RETREG1: variants seen among roughly 807,000 people sequenced by gnomAD.
RETREG1 encodes reticulophagy regulator 1, also known as family with sequence similarity 134 member B.
Under a neutral mutation model 54.8 loss-of-function variants are expected in RETREG1, and 44 were observed. The observed-to-expected ratio is 0.80, with a 90% CI of 0.63 to 1.03. The LOEUF is 1.03. RETREG1 is among the 50% of genes least tolerant of loss of function. RETREG1 has a pLI of 0.00. For missense variants in RETREG1, 554 were observed against 605.1 expected (o/e 0.92, Z 0.89); for synonymous variants, 217 against 238.5 (o/e 0.91, Z 0.83).
At chr5:16,535,137 T>C (rs78274163) in intron 3 of RETREG1, among the ~76,000 whole-genome samples, 2,528 of 152,144 alleles carry the variant, frequency 0.017, 64 homozygotes, top group African/African-American at 0.057. Context: ...CTTATGTCAC[T>C]TTTTTTTCTT....
Position 16,474,705 on chromosome 5 carries a change from G to GTGTTTTTTTT in RETREG1, c.*35_*36insAAAAAAAACA. 2 of 1,453,218 alleles carry GTGTTTTTTTT rather than the reference G, an allele frequency of 1.4e-6. No individual in the cohort carries two copies. The highest frequency in any genetic ancestry group is 1.6e-5 in the South Asian group (1 of 64,130). The allele number at this position is 1,453,218 out of a possible 1,614,324, so 90.0% of individuals were successfully genotyped here. On this transcript the variant is annotated 3_prime_UTR_variant, in exon 9 of 9. Coordinates refer to ENST00000306320, the MANE Select transcript of RETREG1 (RefSeq NM_001034850.3). Reference sequence around the variant, plus strand: ...TTTTTTCTTGTTTGAAATTTTTTTGGTGTTTTTTGTGCTCTGTTGCAAGCT... The same window carrying GTGTTTTTTTT: ...TTTTTTCTTGTTTGAAATTTTTTTGGTGTTTTTTTTTGTTTTTTGTGCTCTGTTGCAAGCT...
chr5:16,476,389 C>G (rs1266672617), intron 8 of RETREG1, among the ~76,000 whole-genome samples: 6 of 152,138 alleles, frequency 3.9e-5, no homozygotes, highest in Admixed American at 3.9e-4. Flanking sequence ...ACAAGGTAAT[C>G]CAGTGAGACT....
At chr5:16,502,209 C>T (rs1002865391) in intron 3 of RETREG1, among the ~76,000 whole-genome samples, 2 of 152,136 alleles carry the variant, frequency 1.3e-5, no homozygotes, top group African/African-American at 4.8e-5. Context: ...TCACCCACCT[C>T]GGCCTCCCAA....
At chr5:16,481,114 A>G (rs1738753929) in intron 4 of RETREG1, 21 bp from the exon 5 acceptor site, 3 of 1,537,254 alleles carry the variant, frequency 2.0e-6, no homozygotes, top group African/African-American at 2.7e-5. Context: ...TAGAAATAAC[A>G]TGGGATAGTT....
intron 1 of RETREG1, among the ~76,000 whole-genome samples, chr5:16,573,070 C>G (rs1285643751): frequency 6.7e-6 from 1 of 149,586 alleles, no homozygotes; most frequent in Non-Finnish European, 1.5e-5. Flanking sequence ...GCAGTCCCAG[C>G]TACTCCGAGT....
At chr5:16,535,229 C>T (rs770973510) in intron 3 of RETREG1, among the ~76,000 whole-genome samples, 8 of 152,204 alleles carry the variant, frequency 5.3e-5, no homozygotes, top group Non-Finnish European at 1.2e-4. Flanking sequence ...CCAGGCTGTT[C>T]AGTTGGGGTC....
intron 1 of RETREG1, among the ~76,000 whole-genome samples, chr5:16,599,993 G>A (rs1743008869): frequency 6.6e-6 from 1 of 152,138 alleles, no homozygotes; most frequent in East Asian, 1.9e-4. Context: ...GCGTGGGGGT[G>A]GAAGGAACTG....
At chr5:16,563,576 A>G (rs1357408302) in intron 3 of RETREG1, among the ~76,000 whole-genome samples, 2 of 152,160 alleles carry the variant, frequency 1.3e-5, no homozygotes, top group Non-Finnish European at 1.5e-5. Context: ...TGTCTTTAAC[A>G]AACATGGAGC....
rs143992680 is a variant in RETREG1 at position 16,528,726 on chromosome 5, C to T, written c.458+37037G>A. ...TCCTTCAAAGCACCTGTCTGAAGAA[C>T]ATCTGATGGCATGAACTGCTTGACA... On this transcript the variant is annotated intron_variant, in intron 3 of 8. Transcript: ENST00000306320. Among the ~76,000 whole-genome samples, 1,045 of 152,282 alleles carry T rather than the reference C, an allele frequency of 6.9e-3. 7 individuals are homozygous for T. Among genetic ancestry groups the T allele is most frequent in the African/African-American group, 0.024 (998 of 41,570 alleles).
chr5:16,524,582 C>T (rs1213073533), intron 3 of RETREG1, among the ~76,000 whole-genome samples: 1 of 152,170 alleles, frequency 6.6e-6, no homozygotes, highest in Non-Finnish European at 1.5e-5. Context: ...CTGCTTTCGG[C>T]CTGCTTATTT....
intron 1 of RETREG1, among the ~76,000 whole-genome samples, chr5:16,602,628 G>C (rs951151691): frequency 6.6e-6 from 1 of 152,186 alleles, no homozygotes; most frequent in Non-Finnish European, 1.5e-5. Context: ...GACAAGGGAA[G>C]GGGGATGAGA....
At position 16,601,327 on chromosome 5, in the gene RETREG1, G is replaced by A. The variant is rs191803722; in HGVS notation, c.320+15325C>T. On this transcript the variant is annotated intron_variant, in intron 1 of 8. Transcript: ENST00000306320. ...TGCACTCCAGCCTGAGTGTCACAGC[G>A]AGACCCTGTCTCTAGAAACAAAATT... is the stretch of plus-strand genomic sequence containing the variant. 7.5e-4 allele frequency among the ~76,000 whole-genome samples: 113 copies of A among 151,410 alleles called. 2 individuals carry two copies. In the East Asian group the frequency reaches 0.017, roughly 23 times the overall value.
intron 1 of RETREG1, among the ~76,000 whole-genome samples, chr5:16,582,986 C>A (rs1256949649): frequency 6.6e-6 from 1 of 152,176 alleles, no homozygotes; most frequent in Non-Finnish European, 1.5e-5. Context: ...TCCATACCCA[C>A]ATGGAGCTCT....
chr5:16,488,281 G>A (rs1561083577), intron 3 of RETREG1, among the ~76,000 whole-genome samples: 1 of 152,178 alleles, frequency 6.6e-6, no homozygotes, highest in Admixed American at 6.5e-5. Flanking sequence ...AAAACTCTGG[G>A]CATTAGGCAA....
rs182237844 is a variant in RETREG1 at position 16,601,334 on chromosome 5, T to C, written c.320+15318A>G. ...CAGCCTGAGTGTCACAGCGAGACCCTGTCTCTAGAAACAAAATTTTTAAAA... is the reference window on the plus strand; with the variant it reads ...CAGCCTGAGTGTCACAGCGAGACCCCGTCTCTAGAAACAAAATTTTTAAAA... On this transcript the variant is annotated intron_variant, in intron 1 of 8. Coordinates refer to ENST00000306320, the MANE Select transcript of RETREG1 (RefSeq NM_001034850.3). 5.8e-3 allele frequency among the ~76,000 whole-genome samples: 870 copies of C among 150,858 alleles called. 10 individuals are homozygous for C. Among genetic ancestry groups the C allele is most frequent in the African/African-American group, 0.02 (825 of 41,252 alleles).
chr5:16,494,145 G>A (rs748598405), intron 3 of RETREG1, among the ~76,000 whole-genome samples: 1 of 152,118 alleles, frequency 6.6e-6, no homozygotes, highest in Admixed American at 6.6e-5. Context: ...ATCAGTCACA[G>A]AAAAAAATGA....
chr5:16,560,430 C>CT, intron 3 of RETREG1, among the ~76,000 whole-genome samples: 1 of 152,202 alleles, frequency 6.6e-6, no homozygotes, highest in South Asian at 2.1e-4. Context: ...ATTTGATCCA[C>CT]TTTTTTTAAA....
chr5:16,604,973 G>A (rs1253908205), intron 1 of RETREG1, among the ~76,000 whole-genome samples: 1 of 152,096 alleles, frequency 6.6e-6, no homozygotes, highest in Non-Finnish European at 1.5e-5. Flanking sequence ...TAGTATAGGG[G>A]TGACTACAAT....
Position 16,584,237 on chromosome 5 carries a change from G to A in RETREG1, c.321-12135C>T, listed in dbSNP as rs549287555. On this transcript the variant is annotated intron_variant, in intron 1 of 8. Coordinates refer to ENST00000306320, the MANE Select transcript of RETREG1 (RefSeq NM_001034850.3). ...CAAAATCTCAGAAATCACCACTAAA[G>A]AATTTATTCAGGTAATCAAATGCCA... Among the ~76,000 whole-genome samples, 221 of 152,166 alleles carry A rather than the reference G, an allele frequency of 1.5e-3. 1 individual carries two copies. The highest frequency in any genetic ancestry group is 2.2e-3 in the Non-Finnish European group (151 of 68,002).
Sources: gnomAD v4.1 joint callset for allele counts (sites outside exome capture counted in the v4.1 genomes callset) on GRCh38, gnomAD v4.1.1 for gene constraint, MANE v1.5 for transcripts, NCBI Gene and HGNC (gene_info 2026-07-23, HGNC 2026-07-21) for gene names.